The following ZDHHC18 variants were observed in gnomAD, a reference collection of about 807,000 sequenced individuals.
ZDHHC18 encodes the protein zDHHC palmitoyltransferase 18.
Under a neutral mutation model 37.5 loss-of-function variants are expected in ZDHHC18, and 23 were observed. The ratio of observed to expected loss-of-function variants is 0.61; its 90% CI spans 0.44 to 0.87. ZDHHC18 has a LOEUF of 0.87. Among genes scored for constraint, ZDHHC18 ranks in the 40% least tolerant of loss-of-function variants. The pLI is 0.00. For missense variants in ZDHHC18, 406 were observed against 525.6 expected (o/e 0.77, Z 2.22); for synonymous variants, 185 against 218.7 (o/e 0.85, Z 1.36).
At chr1:26,827,220 C>A in intron 1 of ZDHHC18, 81 bp downstream of exon 1, 1 of 1,156,368 alleles carries the variant, frequency 8.6e-7, no homozygotes, top group Non-Finnish European at 1.1e-6. Flanking sequence ...GCACTCCGTG[C>A]CTTCCCCTTC....
Position 26,855,651 on chromosome 1 carries a change from C to A in ZDHHC18, c.*1808C>A, listed in dbSNP as rs1015652932. The stretch of plus-strand genomic sequence containing the variant: ...AAGAAGCTGGCTAGAGGAGGGGGCT[C>A]CCACCTACCTTTTATTTAAGCCAGT... On this transcript the variant is annotated 3_prime_UTR_variant, in exon 8 of 8. Transcript: ENST00000374142. The A allele has an allele frequency of 6.5e-6, 1 of 152,964 alleles. No individual in the cohort carries two copies. Among genetic ancestry groups the A allele is most frequent in the African/African-American group, 2.4e-5 (1 of 41,440 alleles). The allele number at this position is 152,964 out of a possible 1,614,324, so 9.5% of individuals were successfully genotyped here.
chr1:26,834,202 G>A (rs534560909), intron 2 of ZDHHC18, among the ~76,000 whole-genome samples: 9 of 152,302 alleles, frequency 5.9e-5, no homozygotes, highest in African/African-American at 1.7e-4. Flanking sequence ...TGGAATCCTC[G>A]GCCTCCTGTG....
chr1:26,856,311 C>A lies in ZDHHC18; in HGVS notation c.*2468C>A. The A allele has an allele frequency of 2.4e-6, 1 of 424,000 alleles. No individual in the cohort carries two copies. The highest frequency in any genetic ancestry group is 5.0e-6 in the Non-Finnish European group (1 of 201,690). The allele number at this position is 424,000 out of a possible 1,614,324, so 26.3% of individuals were successfully genotyped here. On this transcript the variant is annotated 3_prime_UTR_variant, in exon 8 of 8. Transcript: ENST00000374142. This position sits in a 1 kb window ranked among gnomAD's most constrained non-coding sequence, Gnocchi z 5.2. ...GCCAGCACTGCCCGCTCCCCTCACA[C>A]ACCATCTCATCCTCATCGCATGCCT...
chr1:26,827,318 C>T (rs572725734), intron 1 of ZDHHC18, among the ~76,000 whole-genome samples, 179 bp downstream of exon 1: 3 of 151,266 alleles, frequency 2.0e-5, no homozygotes, highest in African/African-American at 7.3e-5. Context: ...CCCCCATCCC[C>T]GCCAGATGCC....
chr1:26,846,006 A>T (rs138875666), intron 2 of ZDHHC18, among the ~76,000 whole-genome samples: 1 of 151,982 alleles, frequency 6.6e-6, no homozygotes, highest in Non-Finnish European at 1.5e-5. Context: ...GATTATGTTG[A>T]ATCTGTGGAT....
intron 6 of ZDHHC18, among the ~76,000 whole-genome samples, chr1:26,851,555 A>C (rs2081704492): frequency 6.6e-6 from 1 of 152,228 alleles, no homozygotes; most frequent in South Asian, 2.1e-4. Flanking sequence ...GAATTCTTTC[A>C]GTTCCCGTCA....
At chr1:26,851,053 A>C in intron 5 of ZDHHC18, 76 bp from the exon 6 acceptor site, 1 of 1,355,006 alleles carries the variant, frequency 7.4e-7, no homozygotes, top group Non-Finnish European at 1.1e-6. Context: ...GCTCCATGGA[A>C]GGATAGGTGA....
chr1:26,853,102 G>A, intron 7 of ZDHHC18: 1 of 440,774 alleles, frequency 2.3e-6, no homozygotes. Flanking sequence ...GATATGACAT[G>A]TAATTCTACT....
At chr1:26,831,133 A>G (rs2081587338) in intron 1 of ZDHHC18, among the ~76,000 whole-genome samples, 1 of 152,234 alleles carries the variant, frequency 6.6e-6, no homozygotes, top group African/African-American at 2.4e-5. Context: ...CAAGTAGCTG[A>G]AATCTATACT....
At chr1:26,832,342 T>G in intron 1 of ZDHHC18, 105 bp from the exon 2 acceptor site, 9 of 1,422,872 alleles carry the variant, frequency 6.3e-6, no homozygotes, top group East Asian at 2.3e-5. Context: ...GTATTCAAGA[T>G]TTTGGTGGTG....
Position 26,850,728 on chromosome 1 carries a change from C to T in ZDHHC18, c.833+122C>T, listed in dbSNP as rs2081698854. ...ACAGCTCACATGTGTCCTCCAGAAT[C>T]CAACATGCCAGCTCTTCTGTTCACA... On this transcript the variant is annotated intron_variant, in intron 5 of 7. Coordinates refer to ENST00000374142, the MANE Select transcript of ZDHHC18 (RefSeq NM_032283.3). The surrounding 1 kb of genome is among the most constrained non-coding windows in gnomAD (Gnocchi z 6.1). The T allele has an allele frequency of 8.6e-7, 1 of 1,163,506 alleles. No homozygotes were observed. The highest frequency in any genetic ancestry group is 1.5e-5 in the African/African-American group (1 of 65,292). The allele number at this position is 1,163,506 out of a possible 1,614,324, so 72.1% of individuals were successfully genotyped here. A position where few individuals can be genotyped will look rare whatever the true frequency, so the allele number is the denominator to read the frequency against.
chr1:26,852,845 C>G lies in ZDHHC18; in HGVS notation c.1029C>G (p.Leu343=). The G allele has an allele frequency of 6.2e-7, 1 of 1,613,982 alleles. No homozygotes were observed. Among genetic ancestry groups the G allele is most frequent in the East Asian group, 2.2e-5 (1 of 44,864 alleles). ...KSIITNCCAV[L]CGPLPPSLID... The stretch of plus-strand genomic sequence containing the variant: ...TTATCACCAACTGCTGTGCTGTGCT[C>G]TGTGGCCCCCTACCTCCCAGGTAAG... The change falls in exon 7 of 8, where the codon CTC becomes CTG. Residue 343 remains leucine, a synonymous_variant. Coordinates refer to ENST00000374142, the MANE Select transcript of ZDHHC18 (RefSeq NM_032283.3).
At chr1:26,841,730 T>C (rs983067135) in intron 2 of ZDHHC18, among the ~76,000 whole-genome samples, 1 of 152,110 alleles carries the variant, frequency 6.6e-6, no homozygotes, top group African/African-American at 2.4e-5. Context: ...AGGAGCAATG[T>C]CAGTGGCTCC....
chr1:26,852,834 T>C lies in ZDHHC18; in HGVS notation c.1018T>C (p.Cys340Arg), dbSNP rs2081713134. The C allele has an allele frequency of 1.2e-6, 2 of 1,614,044 alleles. No individual in the cohort carries two copies. Among genetic ancestry groups the C allele is most frequent in the Non-Finnish European group, 1.7e-6 (2 of 1,179,942 alleles). The change falls in exon 7 of 8, where the codon TGT (cysteine) becomes CGT (arginine). Residue 340 changes from cysteine to arginine, a missense_variant. By Grantham distance (180) the Cys-to-Arg change is radical (BLOSUM62 -3). Transcript: ENST00000374142. ...YSHKSIITNC[C>R]AVLCGPLPPS... Reference sequence around the variant, plus strand: ...CCATAAAAGTATTATCACCAACTGCTGTGCTGTGCTCTGTGGCCCCCTACC... The same window carrying C: ...CCATAAAAGTATTATCACCAACTGCCGTGCTGTGCTCTGTGGCCCCCTACC...
At position 26,852,819 on chromosome 1, in the gene ZDHHC18, AT is replaced by A. The variant is rs768251216; in HGVS notation, c.1005del (p.Ile336SerfsTer16). 1.2e-6 allele frequency: 2 copies of A among 1,614,072 alleles called. No individual in the cohort carries two copies. Among genetic ancestry groups the A allele is most frequent in the Non-Finnish European group, 1.7e-6 (2 of 1,179,982 alleles). The stretch of plus-strand genomic sequence containing the variant: ...TGTCAACCCCTACAGCCATAAAAGT[AT>A]TATCACCAACTGCTGTGCTGTGCTC... ...ASVNPYSHKS[I>X]ITNCCAVLCG... On this transcript the variant is annotated frameshift_variant, in exon 7 of 8. Coordinates refer to ENST00000374142, the MANE Select transcript of ZDHHC18 (RefSeq NM_032283.3). LOFTEE classifies it high-confidence loss of function.
intron 1 of ZDHHC18, among the ~76,000 whole-genome samples, chr1:26,829,527 G>C (rs1317588794): frequency 6.6e-6 from 1 of 152,038 alleles, no homozygotes; most frequent in Non-Finnish European, 1.5e-5. Flanking sequence ...GCACAGCATA[G>C]CAAACCACTC....
intron 2 of ZDHHC18, among the ~76,000 whole-genome samples, chr1:26,846,233 G>GTGTAT (rs72027567): frequency 4.3e-4 from 51 of 119,584 alleles, no homozygotes; most frequent in Admixed American, 2.0e-3. Context: ...TGTGTATATA[G>GTGTAT]AGAGAGAGAT....
rs779187355 is a variant in ZDHHC18 at position 26,832,499 on chromosome 1, A to G, written c.388A>G (p.Ile130Val). The G allele has an allele frequency of 3.7e-6, 6 of 1,613,856 alleles. No individual in the cohort carries two copies. The highest frequency in any genetic ancestry group is 5.1e-6 in the Non-Finnish European group (6 of 1,179,980). ...LTLAIPIIAA[I>V]LFFFVMSCLL... is the part of the protein sequence containing the mutation. ...CCTTGCCATCCCCATCATCGCTGCCATCCTCTTCTTCTTCGTCATGAGCTG... is the reference window on the plus strand; with the variant it reads ...CCTTGCCATCCCCATCATCGCTGCCGTCCTCTTCTTCTTCGTCATGAGCTG... Residue 130 changes from isoleucine (I) to valine (V), a missense_variant, in exon 2 of 8, where the codon ATC (isoleucine) becomes GTC (valine). Physicochemically the swap from Ile to Val is conservative, Grantham distance 29. Coordinates refer to ENST00000374142, the MANE Select transcript of ZDHHC18 (RefSeq NM_032283.3).
Position 26,853,883 on chromosome 1 carries a change from C to T in ZDHHC18, c.*40C>T. 4 of 1,572,296 alleles carry T rather than the reference C, an allele frequency of 2.5e-6. No homozygotes were observed. Among genetic ancestry groups the T allele is most frequent in the East Asian group, 2.2e-5 (1 of 44,674 alleles). On this transcript the variant is annotated 3_prime_UTR_variant, in exon 8 of 8. Transcript: ENST00000374142. ...TTGCCACCTGCTGGCCTGTCTGACC[C>T]TCCGCACTCACCTGCCGGGACCCTC...
Sources: gnomAD v4.1 joint callset for allele counts (sites outside exome capture counted in the v4.1 genomes callset) on GRCh38, gnomAD v4.1.1 for gene constraint, Gnocchi (gnomAD v3.1) non-coding constraint, MANE v1.5 for transcripts, NCBI Gene and HGNC (gene_info 2026-07-23, HGNC 2026-07-21) for gene names.